The following LMLN variants were observed in gnomAD, a reference collection of about 807,000 sequenced individuals.
LMLN encodes the protein leishmanolysin like peptidase.
Under a neutral mutation model 92.3 loss-of-function variants are expected in LMLN, and 70 were observed. That is an observed-to-expected ratio of 0.76 (90% confidence interval 0.63 to 0.92). The LOEUF is 0.92. Ranked by LOEUF, LMLN falls within the 40% of genes least tolerant of loss-of-function variation. The pLI is 0.00. For missense variants in LMLN, 691 were observed against 814.6 expected, an observed-to-expected ratio of 0.85 and a Z score of 1.85; for synonymous variants, 308 against 296.2, an observed-to-expected ratio of 1.04 and a Z score of -0.41.
intron 8 of LMLN, 72 bp from the exon 9 acceptor site, chr3:197,990,487 T>C: frequency 1.5e-6 from 1 of 659,318 alleles, no homozygotes; most frequent in Admixed American, 2.6e-5. Context: ...CTTTTTACAG[T>C]AAATGTAAAT....
intron 11 of LMLN, among the ~76,000 whole-genome samples, chr3:198,014,165 T>C (rs1286526669): frequency 2.1e-5 from 3 of 141,240 alleles, no homozygotes; most frequent in African/African-American, 2.8e-5. Flanking sequence ...GACTTCTCTG[T>C]ACCCTTCAGA....
intron 14 of LMLN, among the ~76,000 whole-genome samples, chr3:198,028,680 A>T (rs552981300): frequency 6.6e-6 from 1 of 152,320 alleles, no homozygotes; most frequent in African/African-American, 2.4e-5. Flanking sequence ...TTGATTAAAT[A>T]AGTCAGCAAT....
At position 197,977,649 on chromosome 3, in the gene LMLN, TA is replaced by T. The variant is rs887976345; in HGVS notation, c.549+939del. On this transcript the variant is annotated intron_variant, in intron 5 of 15. Transcript: ENST00000330198. ...CACACTTGTTAAATCTGGATACATA[TA>T]AAAATCATCAAACAATCTGGAAGTA... Among the ~76,000 whole-genome samples, 12 of 148,524 alleles carry T rather than the reference TA, an allele frequency of 8.1e-5. No homozygotes were observed. In the South Asian group the frequency reaches 2.5e-3, roughly 31 times the overall value.
At chr3:197,980,208 A>T in intron 5 of LMLN, 118 bp from the exon 6 acceptor site, 1 of 765,230 alleles carries the variant, frequency 1.3e-6, no homozygotes, top group Non-Finnish European at 2.1e-6. Context: ...ATAAAAGTTT[A>T]GGGATAATAA....
intron 1 of LMLN, among the ~76,000 whole-genome samples, chr3:197,972,840 A>G (rs1721267223): frequency 6.6e-6 from 1 of 152,056 alleles, no homozygotes; most frequent in African/African-American, 2.4e-5. Flanking sequence ...CAAGGAATTT[A>G]GTGGTCAGTC....
intron 1 of LMLN, among the ~76,000 whole-genome samples, chr3:197,968,282 C>T (rs6803412): frequency 0.067 from 10,128 of 151,640 alleles, 414 homozygotes; most frequent in African/African-American, 0.11. Flanking sequence ...CTGGCTAACA[C>T]GGTGAAACCC....
chr3:197,966,890 C>G (rs1721075581), intron 1 of LMLN, among the ~76,000 whole-genome samples: 1 of 152,078 alleles, frequency 6.6e-6, no homozygotes, highest in Admixed American at 6.5e-5. Context: ...AATGACTTGG[C>G]TTAAGCAGTC....
At chr3:198,021,003 A>G (rs997150474) in intron 12 of LMLN, among the ~76,000 whole-genome samples, 3 of 152,020 alleles carry the variant, frequency 2.0e-5, no homozygotes, top group Admixed American at 2.0e-4. Context: ...TATTATATAT[A>G]TGATCTCATT....
intron 11 of LMLN, among the ~76,000 whole-genome samples, chr3:198,006,845 T>C (rs1722308193): frequency 6.6e-6 from 1 of 152,194 alleles, no homozygotes; most frequent in East Asian, 1.9e-4. Context: ...CCAGAGTAGC[T>C]GGGACTACAG....
intron 14 of LMLN, among the ~76,000 whole-genome samples, chr3:198,027,671 G>T (rs1722970754): frequency 6.6e-6 from 1 of 152,130 alleles, no homozygotes; most frequent in Admixed American, 6.5e-5. Flanking sequence ...CATCCACATT[G>T]TGCCATGTAT....
intron 11 of LMLN, among the ~76,000 whole-genome samples, chr3:198,013,892 G>A (rs1292279889): frequency 2.8e-5 from 4 of 140,648 alleles, no homozygotes; most frequent in Non-Finnish European, 6.1e-5. Context: ...CCCCTAACTA[G>A]TCTGACTTCT....
At position 198,030,599 on chromosome 3, in the gene LMLN, C is replaced by T. The variant is rs1026969898; in HGVS notation, c.1657-5234C>T. Among the ~76,000 whole-genome samples, 34 of 152,176 alleles carry T rather than the reference C, an allele frequency of 2.2e-4. 2 individuals are homozygous for T. The highest frequency in any genetic ancestry group is 8.8e-5 in the Non-Finnish European group (6 of 68,032). The stretch of plus-strand genomic sequence containing the variant: ...GGACATTTCTGGCCTGTGCTAATCT[C>T]GACTATATAATCCTTATGTTGGCAG... On this transcript the variant is annotated intron_variant, in intron 14 of 15. Coordinates refer to ENST00000330198, the Ensembl canonical transcript of LMLN.
At chr3:198,021,297 GTTCT>G (rs1369391236) in intron 12 of LMLN, 145 bp from the exon 14 acceptor site, 2 of 664,304 alleles carry the variant, frequency 3.0e-6, no homozygotes, top group Non-Finnish European at 5.2e-6. Context: ...TTATTACTGT[GTTCT>G]TTATTTGGTG....
In LMLN at chr3:198,010,948, C is replaced by T. The variant is rs1044167245; in HGVS notation, c.1233-8305C>T. On this transcript the variant is annotated intron_variant, in intron 11 of 15. Coordinates refer to ENST00000330198, the Ensembl canonical transcript of LMLN. ...TTTTTCTTTGAGATTCTTCTTTGAC[C>T]CATCGATTATTTAGAAGTGTGTTGT... 3.3e-5 allele frequency among the ~76,000 whole-genome samples: 5 copies of T among 151,620 alleles called. 1 individual carries two copies. In the South Asian group the frequency reaches 1.0e-3, roughly 32 times the overall value.
intron 11 of LMLN, among the ~76,000 whole-genome samples, chr3:198,005,638 C>CTTT (rs745643545): frequency 7.1e-6 from 1 of 140,588 alleles, no homozygotes; most frequent in African/African-American, 2.6e-5. Context: ...TTTTCTTTTT[C>CTTT]TTTTTTTTTT....
chr3:198,037,581 C>T (rs1384755440), intron 15 of LMLN, among the ~76,000 whole-genome samples: 1 of 152,070 alleles, frequency 6.6e-6, no homozygotes, highest in Admixed American at 6.5e-5. Context: ...ACCCGGGAGG[C>T]GGAGCCAAGA....
chr3:197,963,201 C>CTTTTTTTT (rs59827521), intron 1 of LMLN, among the ~76,000 whole-genome samples: 4 of 144,030 alleles, frequency 2.8e-5, no homozygotes, highest in African/African-American at 5.2e-5. Context: ...TTTTCTCTCT[C>CTTTTTTTT]TTTTTTTTTT....
rs1011172946 is a variant in LMLN at position 198,040,027 on chromosome 3, A to G, written c.*1360A>G. 1.3e-5 allele frequency: 2 copies of G among 152,364 alleles called. 1 individual carries two copies. Among genetic ancestry groups the G allele is most frequent in the Middle Eastern group, 6.8e-3 (2 of 294 alleles). 9.4% of individuals were successfully genotyped at this position (152,364 alleles called of 1,614,324 possible). On this transcript the variant is annotated 3_prime_UTR_variant, in exon 16 of 16. Transcript: ENST00000330198. ...ACAACTGTGAAACAACAAAAACACA[A>G]CTATTCCTTTGTGACCGATGAAGAT...
chr3:198,035,962 C>G (rs758578688), exon 15 of LMLN: 1 of 1,614,046 alleles, frequency 6.2e-7, no homozygotes, highest in South Asian at 1.1e-5. Flanking sequence ...CCTGCTCTGC[C>G]CATCATGTTG....
Sources: gnomAD v4.1 joint callset for allele counts (sites outside exome capture counted in the v4.1 genomes callset) on GRCh38, gnomAD v4.1.1 for gene constraint, MANE v1.5 for transcripts, NCBI Gene and HGNC (gene_info 2026-07-23, HGNC 2026-07-21) for gene names.